The following DOCK3 variants were observed in gnomAD, a reference collection of about 807,000 sequenced individuals.
DOCK3 encodes the protein dedicator of cytokinesis 3, also known as dedicator of cytokinesis protein 3.
In DOCK3, 60 loss-of-function variants were observed where a neutral mutation model predicts 265.6. The observed-to-expected ratio is 0.23, with a 90% CI of 0.18 to 0.28. The LOEUF (loss-of-function observed/expected upper bound fraction) is 0.28. DOCK3 is among the 10% of genes least tolerant of loss of function. The pLI is 1.00. For missense variants in DOCK3, 1,981 were observed against 2,594.3 expected (o/e 0.76, Z 5.14); for synonymous variants, 881 against 938.0 (o/e 0.94, Z 1.11).
chr3:50,804,069 G>A (rs1302358331), intron 2 of DOCK3, among the ~76,000 whole-genome samples: 2 of 151,262 alleles, frequency 1.3e-5, no homozygotes, highest in African/African-American at 4.9e-5. Context: ...ACGGGGTCGC[G>A]GCCGGGCAGA....
At chr3:51,207,170 G>C (rs558719925) in intron 12 of DOCK3, among the ~76,000 whole-genome samples, 1 of 152,082 alleles carries the variant, frequency 6.6e-6, no homozygotes, top group African/African-American at 2.4e-5. Flanking sequence ...AATACGTAAG[G>C]GGTATGCAAG....
chr3:50,835,189 A>G (rs561045931), intron 2 of DOCK3, among the ~76,000 whole-genome samples: 1 of 152,286 alleles, frequency 6.6e-6, no homozygotes, highest in South Asian at 2.1e-4. Context: ...TAAAACAATT[A>G]TTTAACCCTT....
intron 2 of DOCK3, among the ~76,000 whole-genome samples, chr3:50,796,535 T>C (rs2042794163): frequency 1.3e-5 from 2 of 151,418 alleles, no homozygotes; most frequent in South Asian, 4.2e-4. Context: ...ACGGTGTTTC[T>C]CCATGTTGGT....
At chr3:50,722,502 C>T (rs927125251) in intron 1 of DOCK3, among the ~76,000 whole-genome samples, 10 of 152,068 alleles carry the variant, frequency 6.6e-5, no homozygotes, top group African/African-American at 9.7e-5. Context: ...ATCTTAAGTA[C>T]GTGTTAGAAG....
chr3:51,350,513 C>G (rs112618483), intron 40 of DOCK3, 121 bp downstream of exon 40: 6 of 1,037,014 alleles, frequency 5.8e-6, no homozygotes, highest in African/African-American at 1.7e-5. Flanking sequence ...GAGGATAAAC[C>G]AGTTAACAAC....
At chr3:51,337,150 G>A (rs1008349724) in intron 35 of DOCK3, among the ~76,000 whole-genome samples, 3 of 152,188 alleles carry the variant, frequency 2.0e-5, no homozygotes, top group African/African-American at 7.2e-5. Context: ...AGAAAGGAGG[G>A]CCTTGGTTCC....
In DOCK3 at chr3:51,381,063, C is replaced by A; in HGVS notation, c.5597C>A (p.Pro1866His). ...ARTLRKSPLH[P>H]IPASPTSPQS... ...TTTCCTTCGCAGTCTCCTCTCCACC[C>A]TATCCCAGCCTCCCCCACAAGCCCC... Residue 1866 changes from proline (P) to histidine (H), a missense_variant, in exon 53 of 53, where the codon CCT becomes CAT. Physicochemically the swap from Pro to His is moderately conservative, Grantham distance 77. Around this residue, in one of 4 missense-constraint regions of DOCK3, gnomAD observed 1,357 missense variants for 1,866.8 expected, o/e 0.73. Transcript: ENST00000266037. The surrounding 1 kb of genome is among the most constrained non-coding windows in gnomAD (Gnocchi z 5.6). 1 of 1,601,318 alleles carries A rather than the reference C, an allele frequency of 6.2e-7. No individual in the cohort carries two copies. Among genetic ancestry groups the A allele is most frequent in the South Asian group, 1.1e-5 (1 of 89,878 alleles).
chr3:51,339,907 T>C (rs1436695341), intron 37 of DOCK3, among the ~76,000 whole-genome samples: 1 of 152,262 alleles, frequency 6.6e-6, no homozygotes. Flanking sequence ...AGAATCCTCC[T>C]TCTTTATCTC....
intron 27 of DOCK3, among the ~76,000 whole-genome samples, chr3:51,296,106 C>A (rs963571802): frequency 6.6e-6 from 1 of 152,080 alleles, no homozygotes; most frequent in African/African-American, 2.4e-5. Flanking sequence ...GGAAAATTAT[C>A]AAAAGTTACA....
chr3:50,863,218 G>A (rs2046993606), intron 3 of DOCK3, among the ~76,000 whole-genome samples: 1 of 152,138 alleles, frequency 6.6e-6, no homozygotes, highest in South Asian at 2.1e-4. Flanking sequence ...TATTTGCAGG[G>A]GATCTGGTGG....
chr3:50,759,937 A>C (rs1483123278), intron 1 of DOCK3, among the ~76,000 whole-genome samples: 1 of 151,350 alleles, frequency 6.6e-6, no homozygotes, highest in African/African-American at 2.4e-5. Context: ...TATCAGATAT[A>C]TGATTTAAAA....
chr3:50,803,142 T>C (rs1017239895), intron 2 of DOCK3, among the ~76,000 whole-genome samples: 10 of 151,974 alleles, frequency 6.6e-5, no homozygotes, highest in Admixed American at 5.2e-4. Context: ...GGCAGGGTCG[T>C]AGGACAATAG....
At chr3:51,263,030 G>C (rs1052629994) in intron 23 of DOCK3, among the ~76,000 whole-genome samples, 4 of 152,166 alleles carry the variant, frequency 2.6e-5, no homozygotes, top group African/African-American at 9.7e-5. Context: ...CCTCAACCTA[G>C]CAAGACAGGC....
At chr3:50,956,277 C>CT (rs747919534) in intron 5 of DOCK3, among the ~76,000 whole-genome samples, 28 of 152,142 alleles carry the variant, frequency 1.8e-4, no homozygotes, top group Non-Finnish European at 3.1e-4. Context: ...AAATACGAAA[C>CT]TTTAGTACCA....
intron 5 of DOCK3, among the ~76,000 whole-genome samples, chr3:51,022,753 G>T (rs2079649344): frequency 1.3e-5 from 2 of 152,078 alleles, no homozygotes; most frequent in African/African-American, 4.8e-5. Context: ...GGTTTTCTTT[G>T]CCTAGGCCAG....
At chr3:50,929,208 C>A (rs1029079059) in intron 4 of DOCK3, among the ~76,000 whole-genome samples, 1 of 152,174 alleles carries the variant, frequency 6.6e-6, no homozygotes, top group African/African-American at 2.4e-5. Context: ...TGTTTCCTCT[C>A]TCTGTTTCTG....
intron 4 of DOCK3, among the ~76,000 whole-genome samples, chr3:50,915,127 C>T (rs2050048711): frequency 6.6e-6 from 1 of 152,032 alleles, no homozygotes; most frequent in Non-Finnish European, 1.5e-5. Flanking sequence ...TCTACTTGTG[C>T]ATGGCAGGGC....
chr3:51,139,257 G>GC (rs923846319), intron 9 of DOCK3, among the ~76,000 whole-genome samples: 1 of 150,312 alleles, frequency 6.7e-6, no homozygotes, highest in Non-Finnish European at 1.5e-5. Context: ...ACTGCAGTGG[G>GC]GGGAGGGCTA....
At chr3:51,005,274 A>T (rs569487566) in intron 5 of DOCK3, among the ~76,000 whole-genome samples, 1 of 152,196 alleles carries the variant, frequency 6.6e-6, no homozygotes, top group African/African-American at 2.4e-5. Flanking sequence ...AGTAACTTTT[A>T]TCAATGATTT....
Sources: allele counts gnomAD v4.1 joint callset (sites outside exome capture counted in the v4.1 genomes callset), GRCh38; gene constraint gnomAD v4.1.1; regional missense constraint gnomAD v4.1.1; non-coding constraint Gnocchi (gnomAD v3.1); transcripts MANE v1.5; gene names NCBI Gene and HGNC (gene_info 2026-07-23, HGNC 2026-07-21).